MRPS31: variants seen among roughly 807,000 people sequenced by gnomAD.
MRPS31 encodes the protein mitochondrial ribosomal protein S31.
Under a neutral mutation model 43.1 loss-of-function variants are expected in MRPS31, and 32 were observed. That is an observed-to-expected ratio of 0.74 (90% confidence interval 0.56 to 1.00). The LOEUF is 1.00. Ranked by LOEUF, MRPS31 falls within the 50% of genes least tolerant of loss-of-function variation. MRPS31 has a pLI of 0.00. For missense variants in MRPS31, 437 were observed against 466.7 expected (o/e 0.94, Z 0.59); for synonymous variants, 165 against 161.6 (o/e 1.02, Z -0.16).
intron 6 of MRPS31, among the ~76,000 whole-genome samples, chr13:40,736,877 C>T (rs1309060748): frequency 1.3e-5 from 2 of 150,452 alleles, no homozygotes; most frequent in East Asian, 2.0e-4. Flanking sequence ...CATCAACTAA[C>T]GAGCAAAATA....
At chr13:40,753,366 G>A (rs185937554) in intron 5 of MRPS31, among the ~76,000 whole-genome samples, 1 of 152,338 alleles carries the variant, frequency 6.6e-6, no homozygotes, top group East Asian at 1.9e-4. Flanking sequence ...GTAAATGGTA[G>A]TTGATTATTA....
chr13:40,736,381 A>C lies in MRPS31; in HGVS notation c.959-6780T>G, dbSNP rs1387797950. 7.3e-3 allele frequency among the ~76,000 whole-genome samples: 1,095 copies of C among 150,208 alleles called. 10 individuals are homozygous for C. The highest frequency in any genetic ancestry group is 0.025 in the African/African-American group (1,009 of 39,934). On this transcript the variant is annotated intron_variant, in intron 6 of 6. Transcript: ENST00000323563. ...TGCAGGATATTATCCAGGAGAATTT[A>C]CCCAATCTAGCAAGGCAGGCCAACG...
intron 2 of MRPS31, among the ~76,000 whole-genome samples, chr13:40,760,146 A>C (rs1366046311): frequency 3.3e-5 from 5 of 151,526 alleles, no homozygotes; most frequent in Non-Finnish European, 7.4e-5. Flanking sequence ...AAAAAAAAAA[A>C]AAAAAAAAAA....
intron 3 of MRPS31, among the ~76,000 whole-genome samples, chr13:40,758,176 C>T (rs561301005): frequency 6.6e-6 from 1 of 151,544 alleles, no homozygotes; most frequent in Non-Finnish European, 1.5e-5. Flanking sequence ...CCTCCTGCCT[C>T]AGCATCCAAA....
chr13:40,759,138 G>GAAA (rs754729561), intron 2 of MRPS31, 32 bp from the exon 3 acceptor site: 27 of 1,494,680 alleles, frequency 1.8e-5, no homozygotes, highest in Non-Finnish European at 2.4e-5. Context: ...AAATGAGAAA[G>GAAA]AAAAAAAAAG....
intron 3 of MRPS31, among the ~76,000 whole-genome samples, chr13:40,758,686 T>C (rs73459585): frequency 0.045 from 6,843 of 152,284 alleles, 318 homozygotes; most frequent in East Asian, 0.14. Flanking sequence ...TTTAATAACA[T>C]TATTGAATTT....
chr13:40,751,407 T>A (rs975034916), intron 5 of MRPS31, among the ~76,000 whole-genome samples: 2 of 152,232 alleles, frequency 1.3e-5, no homozygotes, highest in African/African-American at 4.8e-5. Context: ...TTGAGATGTA[T>A]GTAGTAGCCC....
intron 6 of MRPS31, among the ~76,000 whole-genome samples, chr13:40,737,046 G>A (rs1264396714): frequency 2.0e-5 from 3 of 152,060 alleles, no homozygotes; most frequent in South Asian, 2.1e-4. Context: ...CATCTCACGT[G>A]CAGACACACA....
rs142979720 is a variant in MRPS31 at position 40,735,002 on chromosome 13, T to G, written c.959-5401A>C. ...AGCGACGCAGAAGACGGGTGATTTC[T>G]GCATTTCCATCTGAGGTACCGGGTT... On this transcript the variant is annotated intron_variant, in intron 6 of 6. Coordinates refer to ENST00000323563, the MANE Select transcript of MRPS31 (RefSeq NM_005830.4). Among the ~76,000 whole-genome samples the G allele has an allele frequency of 3.3e-3, 510 of 152,300 alleles. 10 individuals are homozygous for G. In the East Asian group the frequency reaches 0.078, roughly 23 times the overall value.
intron 6 of MRPS31, among the ~76,000 whole-genome samples, chr13:40,732,500 G>A (rs763850246): frequency 2.0e-5 from 3 of 152,170 alleles, no homozygotes; most frequent in Non-Finnish European, 2.9e-5. Context: ...TTGGGAGGCC[G>A]AGGCAGGAGG....
intron 5 of MRPS31, among the ~76,000 whole-genome samples, chr13:40,752,933 C>T (rs988660883): frequency 6.6e-6 from 1 of 152,056 alleles, no homozygotes; most frequent in Non-Finnish European, 1.5e-5. Flanking sequence ...GAGAAAGGGG[C>T]TATGTTGCCC....
At chr13:40,748,669 A>G (rs1880306382) in intron 6 of MRPS31, among the ~76,000 whole-genome samples, 1 of 152,218 alleles carries the variant, frequency 6.6e-6, no homozygotes, top group Admixed American at 6.5e-5. Flanking sequence ...TCCAAAGCAT[A>G]CTGTTTTTAC....
intron 6 of MRPS31, among the ~76,000 whole-genome samples, chr13:40,735,339 C>T (rs1315709915): frequency 6.6e-6 from 1 of 152,220 alleles, no homozygotes; most frequent in Non-Finnish European, 1.5e-5. Context: ...TGCAAGGCGG[C>T]AGTGAGGCTG....
rs201048583 is a variant in MRPS31, at chr13:40,749,196, C to A, written c.900G>T (p.Glu300Asp). 6.2e-7 allele frequency: 1 copy of A among 1,602,054 alleles called. No homozygotes were observed. Among genetic ancestry groups the A allele is most frequent in the East Asian group, 2.3e-5 (1 of 44,150 alleles). ...NEQPLQNGFEELIQWTKEGKL... is the reference protein window; with the variant it reads ...NEQPLQNGFEDLIQWTKEGKL... Reference sequence around the variant, plus strand: ...TCCCCTCTTTTGTCCACTGGATCAGCTCTTCAAATCCATTCTGAAGGGGTT... The same window carrying A: ...TCCCCTCTTTTGTCCACTGGATCAGATCTTCAAATCCATTCTGAAGGGGTT... The change falls in exon 6 of 7, where the codon GAG (glutamate) becomes GAT (aspartate). Residue 300 changes from glutamate to aspartate, a missense_variant. Glu to Asp is a conservative substitution (Grantham distance 45, BLOSUM62 2). Coordinates refer to ENST00000323563, the MANE Select transcript of MRPS31 (RefSeq NM_005830.4).
intron 1 of MRPS31, among the ~76,000 whole-genome samples, chr13:40,768,460 G>A (rs1453660494): frequency 6.6e-6 from 1 of 151,330 alleles, no homozygotes; most frequent in Non-Finnish European, 1.5e-5. Flanking sequence ...TTGAGACAGG[G>A]CCTCACTCTG....
At chr13:40,739,796 G>A (rs905784379) in intron 6 of MRPS31, among the ~76,000 whole-genome samples, 9 of 151,376 alleles carry the variant, frequency 5.9e-5, no homozygotes, top group Non-Finnish European at 1.2e-4. Flanking sequence ...ATTCAAGATG[G>A]ATTAAAGACT....
chr13:40,739,982 T>C (rs1279423295), intron 6 of MRPS31, among the ~76,000 whole-genome samples: 2 of 148,622 alleles, frequency 1.3e-5, no homozygotes, highest in Non-Finnish European at 3.0e-5. Flanking sequence ...CAAAAGAAAC[T>C]ACCATCAGAG....
intron 6 of MRPS31, among the ~76,000 whole-genome samples, chr13:40,731,814 T>C (rs189081578): frequency 2.6e-4 from 39 of 152,254 alleles, no homozygotes; most frequent in African/African-American, 7.2e-4. Context: ...CTTGGTACAT[T>C]AATTTTTTTC....
At position 40,735,058 on chromosome 13, in the gene MRPS31, G is replaced by A. The variant is rs9577130; in HGVS notation, c.959-5457C>T. On this transcript the variant is annotated intron_variant, in intron 6 of 6. Coordinates refer to ENST00000323563, the MANE Select transcript of MRPS31 (RefSeq NM_005830.4). Reference sequence around the variant, plus strand: ...CACTAGGGAGTGCCAGACAGTGGGCGCAGGTCAGTGGGTGCGCGCACCTTG... The same window carrying A: ...CACTAGGGAGTGCCAGACAGTGGGCACAGGTCAGTGGGTGCGCGCACCTTG... Among the ~76,000 whole-genome samples the A allele has an allele frequency of 2.0e-3, 312 of 152,312 alleles. 4 individuals are homozygous for A. In the East Asian group the frequency reaches 0.048, roughly 23 times the overall value.
Sources: allele counts gnomAD v4.1 joint callset (sites outside exome capture counted in the v4.1 genomes callset), GRCh38; gene constraint gnomAD v4.1.1; transcripts MANE v1.5; gene names NCBI Gene and HGNC (gene_info 2026-07-23, HGNC 2026-07-21).